FAM167A: variants seen among roughly 807,000 people sequenced by gnomAD.
The protein encoded by FAM167A is protein FAM167A.
Under a neutral mutation model 14.9 loss-of-function variants are expected in FAM167A, and 23 were observed. That is an observed-to-expected ratio of 1.55 (90% CI 1.11 to 2.19). The LOEUF is 2.19. Among genes scored for constraint, FAM167A ranks in the 30% most tolerant of loss-of-function variants. The probability of loss-of-function intolerance (pLI) is 0.00; values close to 1 mark genes in which losing one functional copy is unlikely to be tolerated. For synonymous variants in FAM167A, 174 were observed against 117.7 expected, an observed-to-expected ratio of 1.48 and a Z score of -3.10; for missense variants, 401 against 281.5, an observed-to-expected ratio of 1.42 and a Z score of -3.04.
At position 11,424,632 on chromosome 8, in the gene FAM167A, T is replaced by G. The variant is rs1422427222; in HGVS notation, c.386A>C (p.Glu129Ala). ...CAGTTGCTGGTCCTGCAGCCGCATC[T>G]CCGTCTGGAAGGGAGGGGGAGCAGG... ...AIAWLRKELT[E>A]MRLQDQQLAR... is the part of the protein sequence containing the mutation. The change falls in exon 3 of 3, where the codon GAG becomes GCG. Residue 129 changes from glutamate (E) to alanine (A), a missense_variant. Glu to Ala is a moderately radical substitution (Grantham distance 107). Transcript: ENST00000284486. 6.2e-7 allele frequency: 1 copy of G among 1,613,516 alleles called. No individual in the cohort carries two copies. The highest frequency in any genetic ancestry group is 1.3e-5 in the African/African-American group (1 of 75,002).
chr8:11,450,032 T>C (rs1806961313), intron 1 of FAM167A, among the ~76,000 whole-genome samples: 1 of 152,212 alleles, frequency 6.6e-6, no homozygotes, highest in South Asian at 2.1e-4. Flanking sequence ...CAGCCTCGCA[T>C]TCTCCACTAG....
intron 2 of FAM167A, among the ~76,000 whole-genome samples, chr8:11,440,723 G>C (rs541396768): frequency 2.0e-5 from 3 of 152,232 alleles, no homozygotes; most frequent in African/African-American, 7.2e-5. Flanking sequence ...CCTTGGCCAC[G>C]TGAGAACAAA....
In FAM167A at chr8:11,421,843, C is replaced by T. The variant is rs1347901402; in HGVS notation, c.*2530G>A. ...CATGTGGTGAGCCAGGAGGCTGGGA[C>T]GGAGGTTAGGCCAATGTTGCTGCTG... On this transcript the variant is annotated 3_prime_UTR_variant, in exon 3 of 3. Coordinates refer to ENST00000284486, the MANE Select transcript of FAM167A (RefSeq NM_053279.3). 3.0e-5 allele frequency: 12 copies of T among 398,432 alleles called. No individual in the cohort carries two copies. Among genetic ancestry groups the T allele is most frequent in the Non-Finnish European group, 4.0e-5 (9 of 226,076 alleles). 24.7% of individuals were successfully genotyped at this position (398,432 alleles called of 1,614,324 possible).
chr8:11,443,154 T>A (rs2117080009), intron 2 of FAM167A, among the ~76,000 whole-genome samples: 1 of 152,186 alleles, frequency 6.6e-6, no homozygotes. Context: ...GGTTGAGAGC[T>A]GGGGTAGGGT....
At chr8:11,434,704 A>T in intron 2 of FAM167A, 1 of 238,008 alleles carries the variant, frequency 4.2e-6, no homozygotes, top group African/African-American at 2.3e-5. Context: ...AAGAGCCCCT[A>T]GATCTGCCAC....
chr8:11,457,182 G>C (rs1807363780), intron 1 of FAM167A, among the ~76,000 whole-genome samples: 1 of 151,728 alleles, frequency 6.6e-6, no homozygotes, highest in African/African-American at 2.4e-5. Flanking sequence ...AGCGCTCCTG[G>C]GGTTTTCTCC....
rs1804988937 is a variant in FAM167A at position 11,424,477 on chromosome 8, A to G, written c.541T>C (p.Phe181Leu). 6.2e-7 allele frequency: 1 copy of G among 1,614,126 alleles called. No homozygotes were observed. The highest frequency in any genetic ancestry group is 8.5e-7 in the Non-Finnish European group (1 of 1,180,022). Residue 181 changes from phenylalanine to leucine, a missense_variant, in exon 3 of 3, where the codon TTC (phenylalanine) becomes CTC (leucine). Phe to Leu is a conservative substitution (Grantham distance 22). Transcript: ENST00000284486. ...GAGGAGGCAAGAGGGGAGTCACAGA[A>G]GAGGTCGGCCAGCTCATCCCGCTCC... ...LEERDELADL[F>L]CDSPLASSFS...
intron 1 of FAM167A, among the ~76,000 whole-genome samples, chr8:11,475,531 T>G (rs1293965693): frequency 6.6e-6 from 1 of 151,864 alleles, no homozygotes; most frequent in African/African-American, 2.4e-5. Flanking sequence ...GAAGCCAAGA[T>G]TAAAATACAG....
chr8:11,464,527 C>G (rs868495543), intron 1 of FAM167A, among the ~76,000 whole-genome samples: 6 of 152,210 alleles, frequency 3.9e-5, no homozygotes, highest in East Asian at 1.9e-4. Flanking sequence ...CTTCCTGTCT[C>G]CACATGGCAA....
chr8:11,428,061 T>C (rs1442376830), intron 2 of FAM167A, among the ~76,000 whole-genome samples: 2 of 152,210 alleles, frequency 1.3e-5, no homozygotes, highest in Admixed American at 6.5e-5. Flanking sequence ...GTCACTTCTC[T>C]TTGGAGTGTT....
At chr8:11,441,642 A>G (rs545868677) in intron 2 of FAM167A, among the ~76,000 whole-genome samples, 10 of 152,252 alleles carry the variant, frequency 6.6e-5, no homozygotes, top group African/African-American at 2.4e-4. Flanking sequence ...ACCCTGTATG[A>G]GTTCCAGCCC....
In FAM167A at chr8:11,424,307, G is replaced by C; in HGVS notation, c.*66C>G. 4.4e-6 allele frequency: 7 copies of C among 1,594,336 alleles called. No individual in the cohort carries two copies. The highest frequency in any genetic ancestry group is 4.3e-6 in the Non-Finnish European group (5 of 1,168,216). On this transcript the variant is annotated 3_prime_UTR_variant, in exon 3 of 3. Transcript: ENST00000284486. ...GACCCACTGGAGTAACTTGGCCTCA[G>C]CTTCCTCTGACACCCCTCCAGCCCA...
chr8:11,447,539 A>C (rs549578091), intron 1 of FAM167A, among the ~76,000 whole-genome samples: 22 of 152,326 alleles, frequency 1.4e-4, no homozygotes, highest in African/African-American at 5.1e-4. Flanking sequence ...CAGAAAACAC[A>C]GTGTGCACAT....
At chr8:11,455,650 G>GA (rs1807222251) in intron 1 of FAM167A, among the ~76,000 whole-genome samples, 1 of 134,202 alleles carries the variant, frequency 7.5e-6, no homozygotes, top group African/African-American at 2.9e-5. Context: ...TGAGTGTTGG[G>GA]GGTGGTTGCC....
chr8:11,426,735 G>A (rs1348080526), intron 2 of FAM167A, among the ~76,000 whole-genome samples: 1 of 152,162 alleles, frequency 6.6e-6, no homozygotes, highest in Non-Finnish European at 1.5e-5. Flanking sequence ...TTGGGTCTTT[G>A]ATCAGCCTTT....
Position 11,455,373 on chromosome 8 carries a change from T to C in FAM167A, c.-397-10565A>G, listed in dbSNP as rs189354829. Among the ~76,000 whole-genome samples, 184 of 107,238 alleles carry C rather than the reference T, an allele frequency of 1.7e-3. 2 individuals are homozygous for C. The highest frequency in any genetic ancestry group is 6.3e-3 in the African/African-American group (172 of 27,098). 70.4% of individuals were successfully genotyped at this position (107,238 alleles called of 152,430 possible). The stretch of plus-strand genomic sequence containing the variant: ...GAGTGTGAGGAGTGTGAGTGTGGGA[T>C]GGTTGCCTTGCGTGAGTGTGATTGT... On this transcript the variant is annotated intron_variant, in intron 1 of 2. Coordinates refer to ENST00000284486, the MANE Select transcript of FAM167A (RefSeq NM_053279.3).
chr8:11,456,422 G>GTGTGTGAGTGT (rs1807310275), intron 1 of FAM167A, among the ~76,000 whole-genome samples: 1 of 131,880 alleles, frequency 7.6e-6, no homozygotes, highest in Admixed American at 7.7e-5. Context: ...TTGCCTTGCT[G>GTGTGTGAGTGT]GGTGTATGAG....
intron 2 of FAM167A, among the ~76,000 whole-genome samples, chr8:11,440,169 G>A (rs1301410377): frequency 6.6e-6 from 1 of 152,176 alleles, no homozygotes; most frequent in Admixed American, 6.5e-5. Flanking sequence ...CAGGAGCAGC[G>A]AGACTGGGCC....
chr8:11,433,204 TA>T lies in FAM167A; in HGVS notation c.382-8569del, dbSNP rs34636796. ...ATGTAATCCAGAACTTAAAGTATGA[TA>T]AAAAAAAATAAAAAATAAAAAAGAA... On this transcript the variant is annotated intron_variant, in intron 2 of 2. Coordinates refer to ENST00000284486, the MANE Select transcript of FAM167A (RefSeq NM_053279.3). Among the ~76,000 whole-genome samples the T allele has an allele frequency of 7.8e-3, 1,177 of 150,450 alleles. 8 individuals carry two copies. The highest frequency in any genetic ancestry group is 0.011 in the Non-Finnish European group (757 of 67,686).
Sources: allele counts gnomAD v4.1 joint callset (sites outside exome capture counted in the v4.1 genomes callset), GRCh38; gene constraint gnomAD v4.1.1; transcripts MANE v1.5; gene names NCBI Gene and HGNC (gene_info 2026-07-23, HGNC 2026-07-21).